ZNF407: variants seen among roughly 807,000 people sequenced by gnomAD.
The protein encoded by ZNF407 is zinc finger protein 407.
In ZNF407, 17 loss-of-function variants were observed where a neutral mutation model predicts 131.2. The observed-to-expected ratio is 0.13, with a 90% CI of 0.09 to 0.19. ZNF407 has a LOEUF of 0.19. Ranked by LOEUF, ZNF407 falls within the 10% of genes least tolerant of loss-of-function variation. The probability of loss-of-function intolerance (pLI) is 1.00; values close to 1 mark genes in which losing one functional copy is unlikely to be tolerated. For synonymous variants in ZNF407, 1,156 were observed against 1,062.0 expected (o/e 1.09, Z -1.72); for missense variants, 2,681 against 2,830.6 (o/e 0.95, Z 1.20).
At chr18:74,859,621 GAGA>G (rs1219111410) in intron 4 of ZNF407, among the ~76,000 whole-genome samples, 6 of 152,240 alleles carry the variant, frequency 3.9e-5, no homozygotes, top group Non-Finnish European at 7.3e-5. Context: ...GCGTTGTCCT[GAGA>G]AGGAGAATTG....
intron 3 of ZNF407, among the ~76,000 whole-genome samples, chr18:74,666,669 A>G (rs930062696): frequency 2.0e-5 from 3 of 152,094 alleles, no homozygotes; most frequent in African/African-American, 7.2e-5. Context: ...GTGGTGTGTT[A>G]ATTAGTTAGC....
chr18:74,939,910 T>C (rs1227571363), intron 8 of ZNF407, among the ~76,000 whole-genome samples: 3 of 152,238 alleles, frequency 2.0e-5, no homozygotes, highest in African/African-American at 7.2e-5. Context: ...TCTGACACTT[T>C]CTTGCTGTGT....
chr18:74,908,965 T>G (rs1351602308), intron 7 of ZNF407, among the ~76,000 whole-genome samples: 1 of 152,074 alleles, frequency 6.6e-6, no homozygotes, highest in Non-Finnish European at 1.5e-5. Context: ...TTAATTTACA[T>G]AAAGATTTTC....
At chr18:74,855,485 T>C (rs1242533047) in intron 4 of ZNF407, among the ~76,000 whole-genome samples, 15 of 152,250 alleles carry the variant, frequency 9.9e-5, no homozygotes. Context: ...TTGAACCTTT[T>C]ATCTCTTAGT....
At chr18:74,742,656 ATTTG>A (rs1281883370) in intron 3 of ZNF407, among the ~76,000 whole-genome samples, 2 of 152,076 alleles carry the variant, frequency 1.3e-5, no homozygotes, top group Admixed American at 1.3e-4. Flanking sequence ...TTTTTTAGAA[ATTTG>A]TTTGTTCGTT....
intron 3 of ZNF407, among the ~76,000 whole-genome samples, chr18:74,662,782 C>G (rs1476102223): frequency 6.6e-6 from 1 of 151,956 alleles, no homozygotes; most frequent in East Asian, 1.9e-4. Context: ...AAGTGTCTAA[C>G]TGTCAGTCAC....
chr18:74,658,111 T>C (rs1985554731), intron 3 of ZNF407, among the ~76,000 whole-genome samples: 1 of 151,870 alleles, frequency 6.6e-6, no homozygotes, highest in Non-Finnish European at 1.5e-5. Flanking sequence ...TGTCTTTATT[T>C]ATTTATTTAT....
chr18:74,823,675 G>GT (rs2145106141), intron 4 of ZNF407, among the ~76,000 whole-genome samples: 2 of 152,222 alleles, frequency 1.3e-5, no homozygotes, highest in African/African-American at 4.8e-5. Flanking sequence ...TCGTAAATAT[G>GT]TATGCACCCA....
chr18:74,775,710 T>C (rs547469886), intron 3 of ZNF407, among the ~76,000 whole-genome samples: 78 of 152,146 alleles, frequency 5.1e-4, no homozygotes, highest in Admixed American at 1.2e-3. Context: ...GAGTAATTTA[T>C]AAAGAAAGGA....
At chr18:74,839,035 A>T (rs962435512) in intron 4 of ZNF407, among the ~76,000 whole-genome samples, 1 of 152,188 alleles carries the variant, frequency 6.6e-6, no homozygotes, top group Non-Finnish European at 1.5e-5. Context: ...TATATCTCTA[A>T]ATACAGCTGT....
At chr18:74,599,022 G>A (rs1982451865) in intron 1 of ZNF407, among the ~76,000 whole-genome samples, 1 of 152,240 alleles carries the variant, frequency 6.6e-6, no homozygotes, top group Admixed American at 6.5e-5. Context: ...GTCGTAGTAT[G>A]TATCTGTTTT....
intron 8 of ZNF407, among the ~76,000 whole-genome samples, chr18:74,986,598 G>A (rs894918670): frequency 3.3e-5 from 5 of 152,072 alleles, no homozygotes; most frequent in Non-Finnish European, 5.9e-5. Context: ...TTCACTTTAA[G>A]CTTTTATTTA....
At chr18:74,737,031 C>G (rs1358750390) in intron 3 of ZNF407, among the ~76,000 whole-genome samples, 1 of 152,132 alleles carries the variant, frequency 6.6e-6, no homozygotes, top group Non-Finnish European at 1.5e-5. Flanking sequence ...AAAGCCATTC[C>G]TGCTAGTAAA....
chr18:74,826,109 T>C (rs1284842189), intron 4 of ZNF407, among the ~76,000 whole-genome samples: 1 of 152,228 alleles, frequency 6.6e-6, no homozygotes, highest in Non-Finnish European at 1.5e-5. Flanking sequence ...GTTACTTTAC[T>C]TTTGTAGAAC....
At position 74,635,526 on chromosome 18, in the gene ZNF407, T is replaced by C. The variant is rs12327359; in HGVS notation, c.4507T>C (p.Leu1503=). 697,395 of 1,611,660 alleles carry C rather than the reference T, an allele frequency of 0.43. 156,117 individuals are homozygous for C. The highest frequency in any genetic ancestry group is 0.69 in the African/African-American group (51,966 of 74,906). ...EPFDSEQNLF[L]HIKGQHEELL... Reference sequence around the variant, plus strand: ...CTTTGATTCTGAACAGAATTTATTTTTACATATTAAAGGACAGCATGAGGA... The same window carrying C: ...CTTTGATTCTGAACAGAATTTATTTCTACATATTAAAGGACAGCATGAGGA... The change falls in exon 2 of 9, where the codon TTA becomes CTA. Residue 1503 remains leucine (L), a synonymous_variant. Transcript: ENST00000299687. This position sits in a 1 kb window ranked among gnomAD's most constrained non-coding sequence, Gnocchi z 4.7.
chr18:74,880,051 G>T (rs1423853837), intron 5 of ZNF407, among the ~76,000 whole-genome samples: 1 of 152,170 alleles, frequency 6.6e-6, no homozygotes, highest in East Asian at 1.9e-4. Flanking sequence ...GAGTAAAGTA[G>T]TTAAAGATAG....
intron 8 of ZNF407, among the ~76,000 whole-genome samples, chr18:74,982,985 T>G (rs1182909378): frequency 6.6e-6 from 1 of 152,188 alleles, no homozygotes; most frequent in East Asian, 1.9e-4. Flanking sequence ...TTATCATCAT[T>G]TAATTTTCCT....
intron 7 of ZNF407, among the ~76,000 whole-genome samples, chr18:74,908,977 T>G (rs1971632686): frequency 6.6e-6 from 1 of 152,114 alleles, no homozygotes. Flanking sequence ...AAGATTTTCT[T>G]CGGATTATTC....
At chr18:75,059,793 T>C (rs1973603198) in intron 8 of ZNF407, among the ~76,000 whole-genome samples, 1 of 58,584 alleles carries the variant, frequency 1.7e-5, no homozygotes, top group African/African-American at 4.0e-5. Context: ...TATAGGAGGA[T>C]CAAAGTTTAC....
Sources: allele counts gnomAD v4.1 joint callset (sites outside exome capture counted in the v4.1 genomes callset), GRCh38; gene constraint gnomAD v4.1.1; non-coding constraint Gnocchi (gnomAD v3.1); transcripts MANE v1.5; gene names NCBI Gene and HGNC (gene_info 2026-07-23, HGNC 2026-07-21).